Variants in ZNF724 observed in about 807,000 individuals in gnomAD.
The protein encoded by ZNF724 is zinc finger protein 724 pseudogene.
In ZNF724, 14 loss-of-function variants were observed where a neutral mutation model predicts 29.3. The observed-to-expected ratio is 0.48, with a 90% confidence interval of 0.32 to 0.75. The LOEUF is 0.75. ZNF724 is among the 30% of genes least tolerant of loss of function. ZNF724 has a pLI of 0.04. For missense variants in ZNF724, 557 were observed against 571.2 expected (o/e 0.98, Z 0.25); for synonymous variants, 180 against 193.6 (o/e 0.93, Z 0.58).
intron 2 of ZNF724, among the ~76,000 whole-genome samples, chr19:23,231,715 C>A (rs1360158849): frequency 6.6e-6 from 1 of 151,452 alleles, no homozygotes; most frequent in Non-Finnish European, 1.5e-5. Flanking sequence ...TCTACATTGA[C>A]AAATCCCCAA....
At chr19:23,234,409 TAA>T (rs1224270225) in intron 1 of ZNF724, among the ~76,000 whole-genome samples, 1 of 152,160 alleles carries the variant, frequency 6.6e-6, no homozygotes, top group African/African-American at 2.4e-5. Flanking sequence ...TCCACCAACC[TAA>T]TAGAAGTCCA....
chr19:23,226,050 CTTTTTTTTT>C (rs35158570), intron 3 of ZNF724, among the ~76,000 whole-genome samples: 4 of 95,206 alleles, frequency 4.2e-5, no homozygotes, highest in African/African-American at 1.6e-4. Flanking sequence ...GAGAGAGGGT[CTTTTTTTTT>C]TTTTTTTTTT....
At chr19:23,249,310 C>G (rs1972306606) in intron 1 of ZNF724, among the ~76,000 whole-genome samples, 1 of 144,982 alleles carries the variant, frequency 6.9e-6, no homozygotes, top group African/African-American at 2.6e-5. Flanking sequence ...GTGGCGCGAT[C>G]TTGGCTCACT....
At chr19:23,230,531 CA>C (rs888230965) in intron 3 of ZNF724, among the ~76,000 whole-genome samples, 4 of 151,518 alleles carry the variant, frequency 2.6e-5, no homozygotes, top group African/African-American at 4.8e-5. Flanking sequence ...AAAAAATGAA[CA>C]AAAAAAATGA....
intron 3 of ZNF724, among the ~76,000 whole-genome samples, chr19:23,224,860 C>T (rs1451020920): frequency 6.6e-6 from 1 of 152,008 alleles, no homozygotes; most frequent in Non-Finnish European, 1.5e-5. Context: ...GAGGCTAAGG[C>T]AGGAGAATCG....
chr19:23,241,326 A>G (rs1972119908), intron 1 of ZNF724, among the ~76,000 whole-genome samples: 1 of 152,226 alleles, frequency 6.6e-6, no homozygotes. Context: ...GTATAAAAAG[A>G]AAAGCTGATA....
At position 23,222,249 on chromosome 19, in the gene ZNF724, G is replaced by T. The variant is rs1971728804; in HGVS notation, c.*136C>A. On this transcript the variant is annotated 3_prime_UTR_variant, in exon 4 of 4. Coordinates refer to ENST00000418100, the MANE Select transcript of ZNF724 (RefSeq NM_001355404.2). The stretch of plus-strand genomic sequence containing the variant: ...TCAACTGCACTGTTATATCTTTCAG[G>T]TTTGTACGGTTTCTCTCCAGTAATT... 2 of 605,700 alleles carry T rather than the reference G, an allele frequency of 3.3e-6. No individual in the cohort carries two copies. Among genetic ancestry groups the T allele is most frequent in the South Asian group, 4.1e-5 (2 of 48,318 alleles). The allele number at this position is 605,700 out of a possible 1,614,324, so 37.5% of individuals were successfully genotyped here.
At chr19:23,248,408 G>A (rs1240923844) in intron 1 of ZNF724, among the ~76,000 whole-genome samples, 1 of 152,066 alleles carries the variant, frequency 6.6e-6, no homozygotes, top group Non-Finnish European at 1.5e-5. Context: ...AGTTAGGCTG[G>A]AGGTAAGGAG....
In ZNF724 at chr19:23,223,025, G is replaced by A. The variant is rs1568337061; in HGVS notation, c.1220C>T (p.Ser407Leu). 7.5e-7 allele frequency: 1 copy of A among 1,328,470 alleles called. No homozygotes were observed. Among genetic ancestry groups the A allele is most frequent in the Admixed American group, 1.7e-5 (1 of 59,648 alleles). 82.3% of individuals were successfully genotyped at this position (1,328,470 alleles called of 1,614,324 possible). A position where few individuals can be genotyped will look rare whatever the true frequency, so the allele number is the denominator to read the frequency against. ...EECGKAFNTS[S>L]HLTTHKRIHT... ...AATTCTTTTATGTGTGGTGAGGTGT[G>A]AGGATGTGTTAAAGGCTTTGCCACA... Residue 407 changes from serine (S) to leucine (L), a missense_variant, in exon 4 of 4, where the codon TCA (serine) becomes TTA (leucine). Ser to Leu is a moderately radical substitution (Grantham distance 145). Around this residue, in one of 3 missense-constraint regions of ZNF724, gnomAD observed 362 missense variants for 295.5 expected, o/e 1.22. Transcript: ENST00000418100.
At chr19:23,238,401 T>G (rs1046219970) in intron 1 of ZNF724, among the ~76,000 whole-genome samples, 1 of 151,896 alleles carries the variant, frequency 6.6e-6, no homozygotes, top group African/African-American at 2.4e-5. Flanking sequence ...GCAAAAACAC[T>G]GCAATGGTTC....
At chr19:23,235,598 C>T (rs1972011023) in intron 1 of ZNF724, among the ~76,000 whole-genome samples, 1 of 152,162 alleles carries the variant, frequency 6.6e-6, no homozygotes, top group African/African-American at 2.4e-5. Context: ...CTAGTCAAAA[C>T]TTCCAATCAG....
chr19:23,245,727 C>A (rs544718548), intron 1 of ZNF724, among the ~76,000 whole-genome samples: 251 of 152,250 alleles, frequency 1.6e-3, no homozygotes, highest in African/African-American at 5.8e-3. Flanking sequence ...AAAACCCACC[C>A]TTGTCTGCCT....
chr19:23,226,343 G>A (rs957260406), intron 3 of ZNF724, among the ~76,000 whole-genome samples: 2 of 151,958 alleles, frequency 1.3e-5, no homozygotes, highest in African/African-American at 4.8e-5. Flanking sequence ...GAGCCACCAC[G>A]CCCAGCCCGA....
chr19:23,233,798 A>G (rs1368400845), intron 1 of ZNF724, among the ~76,000 whole-genome samples: 1 of 63,422 alleles, frequency 1.6e-5, no homozygotes, highest in Admixed American at 1.2e-4. Context: ...TGTTTAGCTG[A>G]AAAAAAAAAA....
At chr19:23,245,570 G>A (rs909672020) in intron 1 of ZNF724, among the ~76,000 whole-genome samples, 21 of 151,484 alleles carry the variant, frequency 1.4e-4, no homozygotes, top group African/African-American at 4.8e-4. Context: ...CAGAGATCGC[G>A]CCACTGCACT....
chr19:23,222,602 T>C lies in ZNF724; in HGVS notation c.1643A>G (p.Asn548Ser). Residue 548 changes from asparagine (N) to serine (S), a missense_variant, in exon 4 of 4, where the codon AAC becomes AGC. This residue lies in a region of ZNF724 where 170 missense variants were observed against 220.7 expected (regional missense o/e 0.77). Transcript: ENST00000418100. ...ECGKAFYQYS[N>S]LTQHKIIHTG... ...ATGAATTATCTTATGTTGAGTAAGG[T>C]TTGAGTATTGGTAAAAAGCTTTGCC... 1 of 1,373,648 alleles carries C rather than the reference T, an allele frequency of 7.3e-7. No individual in the cohort carries two copies. 85.1% of individuals were successfully genotyped at this position (1,373,648 alleles called of 1,614,324 possible). A position where few individuals can be genotyped will look rare whatever the true frequency, so the allele number is the denominator to read the frequency against.
Position 23,232,100 on chromosome 19 carries a change from C to T in ZNF724, c.130+67G>A, listed in dbSNP as rs1971944220. 6 of 1,176,008 alleles carry T rather than the reference C, an allele frequency of 5.1e-6. No homozygotes were observed. The East Asian group carries it at 1.2e-4, about 23-fold the overall frequency. 72.8% of individuals were successfully genotyped at this position (1,176,008 alleles called of 1,614,324 possible). On this transcript the variant is annotated intron_variant, in intron 2 of 3. Coordinates refer to ENST00000418100, the MANE Select transcript of ZNF724 (RefSeq NM_001355404.2). Reference sequence around the variant, plus strand: ...TATGCAAAGATCAATTACCAAAAAACATCCTACAAAAAAACAAACGAAATA... The same window carrying T: ...TATGCAAAGATCAATTACCAAAAAATATCCTACAAAAAAACAAACGAAATA...
chr19:23,222,414 T>G lies in ZNF724; in HGVS notation c.1831A>C (p.Ile611Leu). Residue 611 changes from isoleucine (I) to leucine (L), a missense_variant, in exon 4 of 4, where the codon ATT becomes CTT. By Grantham distance (5) the Ile-to-Leu change is conservative (BLOSUM62 2). This residue lies in a region of ZNF724 where 170 missense variants were observed against 220.7 expected (regional missense o/e 0.77). Transcript: ENST00000418100. ...QCSNLTTHKKIHAVEKSDK is the reference protein window; with the variant it reads ...QCSNLTTHKKLHAVEKSDK ...TTGTCAGATTTTTCTACAGCATGAA[T>G]TTTCTTGTGTGTAGTAAGGTTTGAG... 2 of 1,202,380 alleles carry G rather than the reference T, an allele frequency of 1.7e-6. No individual in the cohort carries two copies. The highest frequency in any genetic ancestry group is 2.5e-6 in the Non-Finnish European group (2 of 811,602). 74.5% of individuals were successfully genotyped at this position (1,202,380 alleles called of 1,614,324 possible). A position where few individuals can be genotyped will look rare whatever the true frequency, so the allele number is the denominator to read the frequency against.
chr19:23,232,645 A>G (rs1395040979), intron 1 of ZNF724, among the ~76,000 whole-genome samples: 1 of 151,468 alleles, frequency 6.6e-6, no homozygotes, highest in Non-Finnish European at 1.5e-5. Context: ...GTACATCTCA[A>G]ATTTTAATGT....
Sources: allele counts gnomAD v4.1 joint callset (sites outside exome capture counted in the v4.1 genomes callset), GRCh38; gene constraint gnomAD v4.1.1; regional missense constraint gnomAD v4.1.1; transcripts MANE v1.5; gene names NCBI Gene and HGNC (gene_info 2026-07-23, HGNC 2026-07-21).